The following FMN2 variants were observed in gnomAD, a reference collection of about 807,000 sequenced individuals.
FMN2 encodes the protein formin 2.
A neutral mutation model predicts 142.3 loss-of-function variants in FMN2; 51 were observed. The ratio of observed to expected loss-of-function variants is 0.36; its 90% CI spans 0.29 to 0.45. The LOEUF is 0.45. Among genes scored for constraint, FMN2 ranks in the 20% least tolerant of loss-of-function variants. The pLI is 1.00. For synonymous variants in FMN2, 882 were observed against 869.8 expected, an observed-to-expected ratio of 1.01 and a Z score of -0.25; for missense variants, 1,936 against 2,122.8, an observed-to-expected ratio of 0.91 and a Z score of 1.73.
chr1:240,105,620 A>G (rs1661578222), intron 1 of FMN2, among the ~76,000 whole-genome samples: 1 of 152,112 alleles, frequency 6.6e-6, no homozygotes. Flanking sequence ...TTCTCCATAA[A>G]GAGTTTGTGT....
intron 16 of FMN2, among the ~76,000 whole-genome samples, chr1:240,443,157 A>G (rs1675683348): frequency 6.6e-6 from 1 of 152,216 alleles, no homozygotes; most frequent in Non-Finnish European, 1.5e-5. Flanking sequence ...TGACTCAGTT[A>G]CATTCTTGGT....
At chr1:240,249,400 T>A (rs1668199385) in intron 6 of FMN2, among the ~76,000 whole-genome samples, 2 of 152,134 alleles carry the variant, frequency 1.3e-5, no homozygotes, top group South Asian at 4.1e-4. Flanking sequence ...TGAAAATCAG[T>A]TGCCTGTAAA....
In FMN2 at chr1:240,208,422, G is replaced by A. The variant is rs749862066; in HGVS notation, c.3610G>A (p.Ala1204Thr). 2 of 1,587,576 alleles carry A rather than the reference G, an allele frequency of 1.3e-6. No individual in the cohort carries two copies. The highest frequency in any genetic ancestry group is 2.2e-5 in the South Asian group (2 of 90,050). ...GIPPPPPLPG[A>T]GIPPPPPLPG... ...ACCTCCTCCGCCCCCTCTACCTGGT[G>A]CTGGGATTCCCCCACCTCCTCCCTT... The change falls in exon 5 of 18, where the codon GCT (alanine) becomes ACT (threonine). Residue 1204 changes from alanine (A) to threonine (T), a missense_variant. Coordinates refer to ENST00000319653, the MANE Select transcript of FMN2 (RefSeq NM_020066.5).
chr1:240,260,700 G>A (rs1435296702), intron 7 of FMN2, among the ~76,000 whole-genome samples: 1 of 152,160 alleles, frequency 6.6e-6, no homozygotes, highest in Non-Finnish European at 1.5e-5. Flanking sequence ...CCACTCTGTG[G>A]GTTGTCTGTT....
At chr1:240,302,234 G>C (rs1207714663) in intron 8 of FMN2, among the ~76,000 whole-genome samples, 1 of 151,632 alleles carries the variant, frequency 6.6e-6, no homozygotes, top group Non-Finnish European at 1.5e-5. Context: ...TGTTAACATT[G>C]ATAATTTTTG....
rs555716586 is a variant in FMN2, at chr1:240,202,463, G to A, written c.1987-4336G>A. ...AGGTGTAATAATTGTTACTATGCTA[G>A]GCCATTATTAGGATCATTTTCTTTT... On this transcript the variant is annotated intron_variant, in intron 4 of 17. Coordinates refer to ENST00000319653, the MANE Select transcript of FMN2 (RefSeq NM_020066.5). 4.6e-5 allele frequency among the ~76,000 whole-genome samples: 7 copies of A among 152,096 alleles called. No individual in the cohort carries two copies. The East Asian group carries it at 1.4e-3, about 29-fold the overall frequency.
chr1:240,095,386 TACAC>T (rs59692947), intron 1 of FMN2, among the ~76,000 whole-genome samples: 19 of 149,762 alleles, frequency 1.3e-4, no homozygotes, highest in East Asian at 2.0e-4. Context: ...TATATGTGCA[TACAC>T]ACACACACAC....
intron 15 of FMN2, among the ~76,000 whole-genome samples, chr1:240,406,936 G>A (rs1572275173): frequency 6.6e-6 from 1 of 152,182 alleles, no homozygotes; most frequent in African/African-American, 2.4e-5. Context: ...GAGTGAACTT[G>A]TTTAAATTGA....
intron 2 of FMN2, among the ~76,000 whole-genome samples, chr1:240,128,277 G>T (rs1662592105): frequency 6.6e-6 from 1 of 151,598 alleles, no homozygotes. Flanking sequence ...CCTTTTTTTG[G>T]GTCATATGCA....
At chr1:240,113,871 G>A (rs553795071) in intron 1 of FMN2, among the ~76,000 whole-genome samples, 1 of 152,098 alleles carries the variant, frequency 6.6e-6, no homozygotes, top group Non-Finnish European at 1.5e-5. Flanking sequence ...AACTGTGTTC[G>A]TATCTCTTGG....
chr1:240,143,225 A>C (rs1347539149), intron 2 of FMN2: 20 of 1,589,222 alleles, frequency 1.3e-5, no homozygotes, highest in Non-Finnish European at 1.4e-5. Context: ...AAATGGAGTT[A>C]TAGGAAACTT....
At chr1:240,470,328 G>GT in intron 16 of FMN2, among the ~76,000 whole-genome samples, 1 of 152,100 alleles carries the variant, frequency 6.6e-6, no homozygotes, top group Non-Finnish European at 1.5e-5. Context: ...TAAAGAAAAT[G>GT]TTTTTATCTT....
chr1:240,174,859 T>G (rs549378638), intron 2 of FMN2, among the ~76,000 whole-genome samples: 191 of 152,336 alleles, frequency 1.3e-3, no homozygotes, highest in African/African-American at 4.4e-3. Context: ...ATTTACCACC[T>G]TAACCATTTT....
At chr1:240,320,451 A>G (rs1199247964) in intron 8 of FMN2, among the ~76,000 whole-genome samples, 1 of 152,254 alleles carries the variant, frequency 6.6e-6, no homozygotes, top group Non-Finnish European at 1.5e-5. Context: ...TTAGCACAGA[A>G]GACAAATGAG....
At chr1:240,311,318 G>T (rs1003770287) in intron 8 of FMN2, among the ~76,000 whole-genome samples, 1 of 151,792 alleles carries the variant, frequency 6.6e-6, no homozygotes, top group Non-Finnish European at 1.5e-5. Flanking sequence ...TGGATTAACT[G>T]TTCTGTGTTC....
intron 15 of FMN2, among the ~76,000 whole-genome samples, chr1:240,408,417 C>CG (rs1558476165): frequency 2.0e-5 from 3 of 151,668 alleles, no homozygotes; most frequent in African/African-American, 7.3e-5. Context: ...TTTCAATAAA[C>CG]GGGAAAAAAA....
intron 4 of FMN2, among the ~76,000 whole-genome samples, chr1:240,204,669 T>C (rs573125289): frequency 6.6e-6 from 1 of 152,248 alleles, no homozygotes; most frequent in East Asian, 1.9e-4. Flanking sequence ...TAGAATTGCA[T>C]GAACCCGCGA....
chr1:240,284,383 G>A (rs1271895712), intron 7 of FMN2, among the ~76,000 whole-genome samples: 1 of 152,114 alleles, frequency 6.6e-6, no homozygotes, highest in Non-Finnish European at 1.5e-5. Context: ...AGGAATGACT[G>A]ACATTTTCCC....
At chr1:240,421,330 C>T (rs1674756030) in intron 15 of FMN2, among the ~76,000 whole-genome samples, 2 of 152,040 alleles carry the variant, frequency 1.3e-5, no homozygotes, top group Non-Finnish European at 2.9e-5. Flanking sequence ...TAATGTCTAC[C>T]TTTAAATTAA....
Sources: allele counts gnomAD v4.1 joint callset (sites outside exome capture counted in the v4.1 genomes callset), GRCh38; gene constraint gnomAD v4.1.1; transcripts MANE v1.5; gene names NCBI Gene and HGNC (gene_info 2026-07-23, HGNC 2026-07-21).